SLC35F3: variants seen among roughly 807,000 people sequenced by gnomAD.
The protein encoded by SLC35F3 is putative thiamine transporter SLC35F3.
SLC35F3 carries 25 observed loss-of-function variants against 49.9 expected under a neutral mutation model. The observed-to-expected ratio is 0.50, with a 90% CI of 0.37 to 0.70. SLC35F3 has a LOEUF of 0.70. SLC35F3 is among the 30% of genes least tolerant of loss of function. SLC35F3 has a pLI of 0.00. For missense variants in SLC35F3, 525 were observed against 639.8 expected (o/e 0.82, Z 1.94); for synonymous variants, 275 against 265.4 (o/e 1.04, Z -0.35).
intron 2 of SLC35F3, among the ~76,000 whole-genome samples, chr1:234,226,961 G>GCGCACACACACACACA (rs141422884): frequency 6.7e-6 from 1 of 148,638 alleles, no homozygotes; most frequent in African/African-American, 2.5e-5. Flanking sequence ...GCGCACGCGT[G>GCGCACACACACACACA]CACACACACA....
chr1:234,235,976 G>A (rs1416596296), intron 3 of SLC35F3, among the ~76,000 whole-genome samples: 1 of 152,156 alleles, frequency 6.6e-6, no homozygotes. Context: ...AATAGTTACT[G>A]TGCGTCTTCT....
intron 2 of SLC35F3, among the ~76,000 whole-genome samples, chr1:234,011,077 C>G (rs1361922758): frequency 6.6e-6 from 1 of 152,136 alleles, no homozygotes; most frequent in Non-Finnish European, 1.5e-5. Context: ...AAAACATCAC[C>G]AAACTTCTAA....
At chr1:234,302,562 A>C (rs1051806514) in intron 3 of SLC35F3, among the ~76,000 whole-genome samples, 1 of 152,128 alleles carries the variant, frequency 6.6e-6, no homozygotes, top group Non-Finnish European at 1.5e-5. Flanking sequence ...GTTTTTGTAC[A>C]GGGGTATGTT....
At chr1:234,076,950 GAAC>G (rs1664800152) in intron 2 of SLC35F3, among the ~76,000 whole-genome samples, 1 of 150,602 alleles carries the variant, frequency 6.6e-6, no homozygotes, top group African/African-American at 2.4e-5. Flanking sequence ...CTGCTAAAAA[GAAC>G]AGTCTGAGAC....
intron 2 of SLC35F3, among the ~76,000 whole-genome samples, chr1:234,035,179 C>G (rs1664123583): frequency 6.6e-6 from 1 of 152,170 alleles, no homozygotes. Context: ...TAGGAGCATA[C>G]AGAGAAAGGG....
At chr1:234,007,658 C>T (rs1663650623) in intron 2 of SLC35F3, among the ~76,000 whole-genome samples, 4 of 152,234 alleles carry the variant, frequency 2.6e-5, no homozygotes, top group Non-Finnish European at 5.9e-5. Context: ...ATAAAAGTCA[C>T]AGCACAGCTT....
chr1:233,924,383 G>A (rs1017120205), intron 2 of SLC35F3, among the ~76,000 whole-genome samples: 2 of 152,208 alleles, frequency 1.3e-5, no homozygotes, highest in African/African-American at 2.4e-5. Context: ...GACGGTGTAT[G>A]TGTCCAGGAA....
chr1:233,983,067 C>G (rs1663211501), intron 2 of SLC35F3, among the ~76,000 whole-genome samples: 1 of 152,192 alleles, frequency 6.6e-6, no homozygotes, highest in East Asian at 1.9e-4. Flanking sequence ...CGTCATCCCC[C>G]TGCTCTTACT....
At chr1:234,120,947 C>T (rs1393343731) in intron 2 of SLC35F3, among the ~76,000 whole-genome samples, 1 of 152,084 alleles carries the variant, frequency 6.6e-6, no homozygotes, top group African/African-American at 2.4e-5. Flanking sequence ...AATTTTCAAG[C>T]AGTTTTTTAG....
chr1:233,966,633 TA>T (rs201339776), intron 2 of SLC35F3, among the ~76,000 whole-genome samples: 3,116 of 152,190 alleles, frequency 0.02, 51 homozygotes, highest in Non-Finnish European at 0.035. Context: ...AAGATCCTAT[TA>T]AAAAAATAAT....
At chr1:234,247,915 G>GTCCATTGCTTGGTGGGTTGGTTGGTTGA (rs1667666917) in intron 3 of SLC35F3, among the ~76,000 whole-genome samples, 3 of 105,964 alleles carry the variant, frequency 2.8e-5, no homozygotes, top group East Asian at 9.0e-4. Flanking sequence ...AGGTTGGTTG[G>GTCCATTGCTTGGTGGGTTGGTTGGTTGA]TCCATTGCTT....
intron 3 of SLC35F3, among the ~76,000 whole-genome samples, chr1:234,234,473 A>G (rs1667432249): frequency 6.6e-6 from 1 of 151,942 alleles, no homozygotes; most frequent in Admixed American, 6.6e-5. Flanking sequence ...ACTCTGATTC[A>G]GTGGGTCTGA....
At chr1:234,275,186 A>G (rs907873883) in intron 3 of SLC35F3, among the ~76,000 whole-genome samples, 4 of 152,232 alleles carry the variant, frequency 2.6e-5, no homozygotes, top group Non-Finnish European at 4.4e-5. Context: ...GCTTTGTTAC[A>G]TGCACAAAAT....
intron 2 of SLC35F3, among the ~76,000 whole-genome samples, chr1:234,080,271 G>T (rs1664855643): frequency 2.0e-5 from 3 of 152,194 alleles, no homozygotes; most frequent in Admixed American, 2.0e-4. Context: ...CTGTGCCTGG[G>T]AGGGCATGGA....
intron 2 of SLC35F3, among the ~76,000 whole-genome samples, chr1:234,171,360 G>A (rs147109326): frequency 2.4e-4 from 37 of 152,298 alleles, no homozygotes; most frequent in African/African-American, 6.7e-4. Context: ...TGATTCTAAC[G>A]TGTAGCTGGG....
intron 2 of SLC35F3, among the ~76,000 whole-genome samples, chr1:234,184,657 A>T (rs6666472): frequency 0.078 from 11,938 of 152,236 alleles, 1,289 homozygotes; most frequent in African/African-American, 0.25. Flanking sequence ...TGGGATGACC[A>T]AAGGCCAGCA....
At chr1:234,221,488 G>A (rs377124905) in intron 2 of SLC35F3, among the ~76,000 whole-genome samples, 19 of 152,336 alleles carry the variant, frequency 1.2e-4, no homozygotes, top group Middle Eastern at 3.4e-3. Context: ...AAGATGCAGA[G>A]GAGGGAAGCT....
chr1:234,127,824 G>A (rs1177327085), intron 2 of SLC35F3, among the ~76,000 whole-genome samples: 1 of 152,194 alleles, frequency 6.6e-6, no homozygotes, highest in Non-Finnish European at 1.5e-5. Flanking sequence ...GGAAGATTAT[G>A]TGTTGCCTAG....
chr1:234,282,807 C>T (rs1481156428), intron 3 of SLC35F3, among the ~76,000 whole-genome samples: 2 of 152,180 alleles, frequency 1.3e-5, no homozygotes, highest in Non-Finnish European at 2.9e-5. Context: ...ATTGTGTTAA[C>T]GGTTGCAGTG....
Sources: allele counts gnomAD v4.1 joint callset (sites outside exome capture counted in the v4.1 genomes callset), GRCh38; gene constraint gnomAD v4.1.1; transcripts MANE v1.5; gene names NCBI Gene and HGNC (gene_info 2026-07-23, HGNC 2026-07-21).